The following RIOK1 variants were observed in gnomAD, a reference collection of about 807,000 sequenced individuals.
The protein encoded by RIOK1 is RIO kinase 1, also known as serine/threonine-protein kinase RIO1.
In RIOK1, 66 loss-of-function variants were observed where a neutral mutation model predicts 73.5. The observed-to-expected ratio is 0.90, with a 90% CI of 0.74 to 1.10. RIOK1 has a LOEUF of 1.10. Ranked by LOEUF, RIOK1 falls within the 50% of genes least tolerant of loss-of-function variation. The pLI, the probability that RIOK1 is intolerant of heterozygous loss-of-function variation, is 0.00. For synonymous variants in RIOK1, 224 were observed against 226.8 expected (o/e 0.99, Z 0.11); for missense variants, 658 against 699.8 (o/e 0.94, Z 0.67).
Position 7,412,924 on chromosome 6 carries a change from T to A in RIOK1, c.1425T>A (p.Asp475Glu). ...LYQTVTGLKK[D>E]LSGVQKVPAL... ...AGACTGTTACAGGATTGAAGAAAGATTTGTCAGGAGTTCAGAAGGTATGAA... is the reference window on the plus strand; with the variant it reads ...AGACTGTTACAGGATTGAAGAAAGAATTGTCAGGAGTTCAGAAGGTATGAA... Residue 475 changes from aspartate (D) to glutamate (E), a missense_variant, in exon 15 of 17, where the codon GAT becomes GAA. Transcript: ENST00000379834. The A allele has an allele frequency of 6.4e-7, 1 of 1,561,764 alleles. No individual in the cohort carries two copies. Among genetic ancestry groups the A allele is most frequent in the Non-Finnish European group, 8.6e-7 (1 of 1,158,394 alleles).
rs780502977 is a variant in RIOK1 at position 7,404,494 on chromosome 6, A to G, written c.931A>G (p.Met311Val). The change falls in exon 10 of 17, where the codon ATG becomes GTG. Residue 311 changes from methionine (M) to valine (V), a missense_variant. Coordinates refer to ENST00000379834, the MANE Select transcript of RIOK1 (RefSeq NM_031480.3). ...GTTGTACCTGCAGGTCATTCAGTAC[A>G]TGAGAAGAATGTATCAGGATGCCAG... ...RELYLQVIQY[M>V]RRMYQDARLV... 1.4e-5 allele frequency: 23 copies of G among 1,614,084 alleles called. No individual in the cohort carries two copies. In the Admixed American group the frequency reaches 1.7e-4, roughly 12 times the overall value.
chr6:7,403,813 TATA>T, intron 8 of RIOK1, 125 bp from the exon 9 acceptor site: 1 of 607,102 alleles, frequency 1.6e-6, no homozygotes, highest in Non-Finnish European at 3.0e-6. Flanking sequence ...TATGAAATAT[TATA>T]ATACATTTGA....
intron 2 of RIOK1, 160 bp from the exon 3 acceptor site, chr6:7,394,892 TA>T (rs35248924): frequency 9.4e-7 from 1 of 1,068,578 alleles, no homozygotes; most frequent in South Asian, 1.5e-5. Flanking sequence ...AAATGCTCTT[TA>T]AAAAATTTTT....
In RIOK1 at chr6:7,407,644, C is replaced by A. The variant is rs146057305; in HGVS notation, c.1203+2289C>A. Among the ~76,000 whole-genome samples the A allele has an allele frequency of 8.5e-5, 13 of 152,112 alleles. No homozygotes were observed. The South Asian group carries it at 2.7e-3, about 32-fold the overall frequency. ...GAGACTATAGGTGCAGACCATGACA[C>A]CCAGCCAATTTTTTTTTTCTTTTTC... On this transcript the variant is annotated intron_variant, in intron 12 of 16. Transcript: ENST00000379834.
chr6:7,408,395 C>T lies in RIOK1; in HGVS notation c.1204-1991C>T, dbSNP rs566389368. ...TTTCCATTTCCTTGCAATACCTTCC[C>T]ATTTCTGCCTTTGCTCAACTTTGCT... is the stretch of plus-strand genomic sequence containing the variant. On this transcript the variant is annotated intron_variant, in intron 12 of 16. Transcript: ENST00000379834. Among the ~76,000 whole-genome samples, 4 of 152,068 alleles carry T rather than the reference C, an allele frequency of 2.6e-5. No homozygotes were observed. The East Asian group carries it at 7.7e-4, about 29-fold the overall frequency.
At chr6:7,395,392 A>T (rs1761447895) in intron 3 of RIOK1, among the ~76,000 whole-genome samples, 2 of 152,158 alleles carry the variant, frequency 1.3e-5, no homozygotes, top group Admixed American at 1.3e-4. Flanking sequence ...ACATGCCTGT[A>T]ATCCCAGCTA....
intron 3 of RIOK1, among the ~76,000 whole-genome samples, chr6:7,395,513 C>A (rs947618191): frequency 9.8e-3 from 1,046 of 106,894 alleles, no homozygotes; most frequent in African/African-American, 0.016. Context: ...AATTCCATCT[C>A]AAAAAAAAAA....
rs527840169 is a variant in RIOK1, at chr6:7,392,317, C to T, written c.72-782C>T. ...GGACCTCTTCTCCCAGTTTGCCAGT[C>T]CCCACTTCTATTGTGCAGCCTACTT... is the stretch of plus-strand genomic sequence containing the variant. On this transcript the variant is annotated intron_variant, in intron 1 of 16. Coordinates refer to ENST00000379834, the MANE Select transcript of RIOK1 (RefSeq NM_031480.3). Among the ~76,000 whole-genome samples the T allele has an allele frequency of 5.3e-5, 8 of 151,736 alleles. No individual in the cohort carries two copies. The South Asian group carries it at 1.7e-3, about 32-fold the overall frequency.
intron 12 of RIOK1, 41 bp downstream of exon 12, chr6:7,405,396 CAGGTGCAGTAT>C (rs769416091): frequency 8.6e-7 from 1 of 1,157,896 alleles, no homozygotes; most frequent in East Asian, 2.3e-5. Flanking sequence ...AATAGCAGTA[CAGGTGCAGTAT>C]CTCTTATCTC....
At chr6:7,405,722 A>G (rs919366357) in intron 12 of RIOK1, among the ~76,000 whole-genome samples, 5 of 150,128 alleles carry the variant, frequency 3.3e-5, no homozygotes, top group African/African-American at 1.2e-4. Flanking sequence ...TTTCCTTCCT[A>G]CTTAACAGAT....
intron 1 of RIOK1, 118 bp from the exon 2 acceptor site, chr6:7,392,981 A>G (rs1761377554): frequency 7.7e-7 from 1 of 1,295,462 alleles, no homozygotes. Context: ...TGTATTTTAT[A>G]TAAATATATA....
chr6:7,398,023 TC>T (rs1170813509), intron 4 of RIOK1, among the ~76,000 whole-genome samples: 2 of 152,114 alleles, frequency 1.3e-5, no homozygotes, highest in Non-Finnish European at 1.5e-5. Flanking sequence ...GCGCCTGTAG[TC>T]CCAGCTACTC....
At chr6:7,404,283 G>A in intron 9 of RIOK1, 135 bp from the exon 10 acceptor site, 1 of 1,055,530 alleles carries the variant, frequency 9.5e-7, no homozygotes, top group Non-Finnish European at 1.4e-6. Flanking sequence ...TACCTTCTTG[G>A]TTTATGTGCA....
intron 16 of RIOK1, among the ~76,000 whole-genome samples, chr6:7,416,534 G>T (rs1762005459): frequency 6.6e-6 from 1 of 151,876 alleles, no homozygotes; most frequent in African/African-American, 2.4e-5. Context: ...TGTAGTCCCA[G>T]CTCCTTGGGA....
chr6:7,404,005 A>G lies in RIOK1; in HGVS notation c.832A>G (p.Ser278Gly). 6.2e-7 allele frequency: 1 copy of G among 1,611,148 alleles called. No homozygotes were observed. The highest frequency in any genetic ancestry group is 8.5e-7 in the Non-Finnish European group (1 of 1,177,826). The change falls in exon 9 of 17, where the codon AGT becomes GGT. Residue 278 changes from serine to glycine, a missense_variant. Coordinates refer to ENST00000379834, the MANE Select transcript of RIOK1 (RefSeq NM_031480.3). ...GCTAAGAAGTCATGTTCTTGTCATG[A>G]GTTTCATCGGTAAAGATGACATGTA... is the stretch of plus-strand genomic sequence containing the variant. ...IMLRSHVLVMSFIGKDDMPAP... is the reference protein window; with the variant it reads ...IMLRSHVLVMGFIGKDDMPAP...
At position 7,398,619 on chromosome 6, in the gene RIOK1, G is replaced by T. The variant is rs569079350; in HGVS notation, c.438-79G>T. ...AAACTACCTACTTAGGAATTTTCAT[G>T]AAATTATCTACATTTAGAAGATTTT... On this transcript the variant is annotated intron_variant, in intron 4 of 16. Coordinates refer to ENST00000379834, the MANE Select transcript of RIOK1 (RefSeq NM_031480.3). 2.1e-5 allele frequency: 23 copies of T among 1,086,040 alleles called. 1 individual carries two copies. The Middle Eastern group carries it at 6.2e-4, about 29-fold the overall frequency. 67.3% of individuals were successfully genotyped at this position (1,086,040 alleles called of 1,614,324 possible).
Position 7,405,280 on chromosome 6 carries a change from G to A in RIOK1, c.1128G>A (p.Met376Ile), listed in dbSNP as rs369130351. The A allele has an allele frequency of 3.3e-5, 53 of 1,612,210 alleles. No individual in the cohort carries two copies. In the African/African-American group the frequency reaches 6.4e-4, roughly 20 times the overall value. The change falls in exon 12 of 17, where the codon ATG becomes ATA. Residue 376 changes from methionine to isoleucine, a missense_variant. Transcript: ENST00000379834. ...DFFMRHSVAVMTVRELFEFVT... is the reference protein window; with the variant it reads ...DFFMRHSVAVITVRELFEFVT... ...TTATGAGGCACAGTGTTGCTGTCAT[G>A]ACTGTGCGGGAGCTCTTTGAATTTG...
chr6:7,409,263 G>A (rs1761828434), intron 12 of RIOK1, among the ~76,000 whole-genome samples: 1 of 137,398 alleles, frequency 7.3e-6, no homozygotes, highest in Non-Finnish European at 1.6e-5. Context: ...GTGTGTGTGT[G>A]TGTGTGTTTG....
intron 12 of RIOK1, among the ~76,000 whole-genome samples, chr6:7,405,907 C>T (rs1176393228): frequency 6.6e-6 from 1 of 150,472 alleles, no homozygotes; most frequent in East Asian, 1.9e-4. Context: ...AGAAAACTGT[C>T]AGTTTTTTGG....
Sources: gnomAD v4.1 joint callset for allele counts (sites outside exome capture counted in the v4.1 genomes callset) on GRCh38, gnomAD v4.1.1 for gene constraint, MANE v1.5 for transcripts, NCBI Gene and HGNC (gene_info 2026-07-23, HGNC 2026-07-21) for gene names.